DIAPH2: variants seen among roughly 807,000 people sequenced by gnomAD.
DIAPH2 encodes diaphanous related formin 2.
Under a neutral mutation model 92.7 loss-of-function variants are expected in DIAPH2, and 35 were observed. That is an observed-to-expected ratio of 0.38 (90% CI 0.29 to 0.50). The LOEUF (loss-of-function observed/expected upper bound fraction) is 0.50. Among genes scored for constraint, DIAPH2 ranks in the 20% least tolerant of loss-of-function variants. DIAPH2 has a pLI of 0.94. For synonymous variants in DIAPH2, 301 were observed against 280.4 expected (o/e 1.07, Z -0.73); for missense variants, 701 against 819.5 (o/e 0.86, Z 1.77).
chrX:97,371,544 G>C (rs763048523), intron 24 of DIAPH2, among the ~76,000 whole-genome samples: 22 of 111,520 alleles, frequency 2.0e-4, no homozygotes, highest in African/African-American at 6.5e-4. Flanking sequence ...ATCAGAAGAG[G>C]TTCCTGAGGG....
At chrX:97,051,473 C>G (rs1161489355) in intron 17 of DIAPH2, among the ~76,000 whole-genome samples, 1 of 102,140 alleles carries the variant, frequency 9.8e-6, no homozygotes, top group Non-Finnish European at 2.0e-5. Flanking sequence ...ATGACTACTT[C>G]TTTGATGTCT....
chrX:96,789,679 C>T (rs2064484974), intron 4 of DIAPH2, among the ~76,000 whole-genome samples: 3 of 111,687 alleles, frequency 2.7e-5, no homozygotes, highest in Non-Finnish European at 5.6e-5. Context: ...GTTTTAAGTG[C>T]CTGTTCGTCG....
chrX:97,152,660 T>C (rs554061287), intron 22 of DIAPH2, among the ~76,000 whole-genome samples: 3 of 111,722 alleles, frequency 2.7e-5, no homozygotes, highest in South Asian at 7.6e-4. Flanking sequence ...AACTCGCTTT[T>C]ATAACAAATC....
At chrX:97,501,784 T>C (rs1297022617) in intron 26 of DIAPH2, among the ~76,000 whole-genome samples, 1 of 111,936 alleles carries the variant, frequency 8.9e-6, no homozygotes, top group African/African-American at 3.2e-5. Flanking sequence ...TGAAAAGATA[T>C]TTTCTAATTT....
chrX:96,943,655 C>CTA (rs2065720342), intron 13 of DIAPH2, among the ~76,000 whole-genome samples: 1 of 104,891 alleles, frequency 9.5e-6, no homozygotes, highest in South Asian at 3.8e-4. Context: ...ACATAATAAA[C>CTA]TATAGTTTTT....
chrX:96,887,090 A>G (rs2065268337), intron 5 of DIAPH2, among the ~76,000 whole-genome samples: 1 of 110,903 alleles, frequency 9.0e-6, no homozygotes, highest in Non-Finnish European at 1.9e-5. Flanking sequence ...CCCAACGCTT[A>G]TTCTTCTGAA....
At chrX:97,573,853 G>T in intron 26 of DIAPH2, among the ~76,000 whole-genome samples, 2 of 109,961 alleles carry the variant, frequency 1.8e-5, no homozygotes, top group Non-Finnish European at 3.8e-5. Flanking sequence ...TACAGACAGG[G>T]TTTCACCATG....
At chrX:97,472,418 A>G (rs1461780601) in intron 26 of DIAPH2, among the ~76,000 whole-genome samples, 1 of 112,561 alleles carries the variant, frequency 8.9e-6, no homozygotes. Context: ...TCCTTTTTAA[A>G]ATTATAATCT....
chrX:97,067,445 C>A (rs757627783), intron 17 of DIAPH2, among the ~76,000 whole-genome samples: 10 of 111,447 alleles, frequency 9.0e-5, no homozygotes, highest in Non-Finnish European at 1.9e-4. Context: ...CTACCAGCCA[C>A]CCAAAATGAA....
intron 17 of DIAPH2, among the ~76,000 whole-genome samples, chrX:97,005,836 A>G (rs1309070148): frequency 9.1e-6 from 1 of 110,360 alleles, no homozygotes; most frequent in Admixed American, 9.6e-5. Context: ...ACCACACCCA[A>G]TCACTGATTT....
intron 23 of DIAPH2, among the ~76,000 whole-genome samples, chrX:97,268,856 CTT>C (rs747116851): frequency 5.8e-5 from 5 of 86,930 alleles, no homozygotes; most frequent in Non-Finnish European, 6.7e-5. Flanking sequence ...TCTTTTCTTT[CTT>C]TTTTTTTTTT....
At chrX:97,022,634 A>G (rs926602500) in intron 17 of DIAPH2, among the ~76,000 whole-genome samples, 4 of 111,191 alleles carry the variant, frequency 3.6e-5, no homozygotes, top group Admixed American at 9.5e-5. Flanking sequence ...GCAAATTTGG[A>G]AAAAAAAATT....
chrX:97,126,487 C>G (rs769229350), intron 21 of DIAPH2, among the ~76,000 whole-genome samples: 1 of 111,860 alleles, frequency 8.9e-6, no homozygotes, highest in Non-Finnish European at 1.9e-5. Context: ...ATTTATTGAG[C>G]CTTTACCCTC....
At chrX:97,192,164 C>G (rs1032491687) in intron 22 of DIAPH2, among the ~76,000 whole-genome samples, 2 of 108,346 alleles carry the variant, frequency 1.8e-5, no homozygotes, top group Admixed American at 2.0e-4. Flanking sequence ...GTGGCTCGCA[C>G]CTGTAGGTGC....
chrX:97,422,175 A>T (rs1212477405), intron 25 of DIAPH2, among the ~76,000 whole-genome samples: 1 of 111,136 alleles, frequency 9.0e-6, no homozygotes, highest in Non-Finnish European at 1.9e-5. Context: ...TACAATTAGT[A>T]TCTTTCCATT....
intron 8 of DIAPH2, among the ~76,000 whole-genome samples, chrX:96,918,090 G>A (rs1173114715): frequency 9.0e-6 from 1 of 110,583 alleles, no homozygotes; most frequent in African/African-American, 3.3e-5. Flanking sequence ...ATCAATATTT[G>A]CCTTAAAGAA....
intron 4 of DIAPH2, among the ~76,000 whole-genome samples, chrX:96,874,286 G>A (rs1337526997): frequency 1.8e-5 from 2 of 111,706 alleles, no homozygotes; most frequent in Admixed American, 9.5e-5. Context: ...ATATCTCAAA[G>A]GCCTCTGTCA....
rs369169554 is a variant in DIAPH2, at chrX:97,598,800, T to A, written c.3242-453T>A. ...CTAGTGTGATTGCCACATATTGCAA[T>A]CATTGTAAAAAATAAAAACTCTTTT... On this transcript the variant is annotated intron_variant, in intron 26 of 26. Coordinates refer to ENST00000324765, the MANE Select transcript of DIAPH2 (RefSeq NM_006729.5). Among the ~76,000 whole-genome samples the A allele has an allele frequency of 1.3e-4, 15 of 111,957 alleles. No individual in the cohort carries two copies. In the East Asian group the frequency reaches 3.1e-3, roughly 23 times the overall value.
At position 97,348,265 on chromosome X, in the gene DIAPH2, C is replaced by G. The variant is rs1415466205; in HGVS notation, c.2994C>G (p.Phe998Leu). The G allele has an allele frequency of 8.3e-7, 1 of 1,202,267 alleles. No homozygotes were observed. The highest frequency in any genetic ancestry group is 1.8e-5 in the South Asian group (1 of 54,900). ...IEEFFGDLNNFRTLFLEAVRE... is the reference protein window; with the variant it reads ...IEEFFGDLNNLRTLFLEAVRE... ...AGTTCTTTGGTGATCTCAACAACTT[C>G]CGAACTTTGTTTTTGGTAAGTAATA... The change falls in exon 24 of 27, where the codon TTC becomes TTG. Residue 998 changes from phenylalanine to leucine, a missense_variant. By Grantham distance (22) the Phe-to-Leu change is conservative (BLOSUM62 0). Transcript: ENST00000324765.
Sources: gnomAD v4.1 joint callset for allele counts (sites outside exome capture counted in the v4.1 genomes callset) on GRCh38, gnomAD v4.1.1 for gene constraint, MANE v1.5 for transcripts, NCBI Gene and HGNC (gene_info 2026-07-23, HGNC 2026-07-21) for gene names.